Variants in PLEC observed in about 807,000 individuals in gnomAD.
PLEC encodes the protein hemidesmosomal protein 1.
PLEC carries 216 observed loss-of-function variants against 392.8 expected under a neutral mutation model. The ratio of observed to expected loss-of-function variants is 0.55; its 90% confidence interval spans 0.49 to 0.62. PLEC has a LOEUF of 0.62. PLEC is among the 20% of genes least tolerant of loss of function. PLEC has a pLI of 0.00. For synonymous variants in PLEC, 3,621 were observed against 2,980.6 expected (o/e 1.21, Z -7.00); for missense variants, 6,863 against 6,563.4 (o/e 1.05, Z -1.58).
At position 143,929,234 on chromosome 8, in the gene PLEC, G is replaced by A. The variant is rs1826299775; in HGVS notation, c.3129C>T (p.Leu1043=). The part of the protein sequence containing the change: ...VEGLGKGVAR[L]SAEAEKVLAL... ...CCAAGACCTTCTCGGCCTCGGCAGAGAGCCGGGCGACCCCCTTGCCCAGCC... is the reference window on the plus strand; with the variant it reads ...CCAAGACCTTCTCGGCCTCGGCAGAAAGCCGGGCGACCCCCTTGCCCAGCC... The change falls in exon 25 of 32, where the codon CTC becomes CTT. Residue 1043 remains leucine, a synonymous_variant. Coordinates refer to ENST00000345136, the MANE Select transcript of PLEC (RefSeq NM_201384.3). The A allele has an allele frequency of 1.9e-6, 3 of 1,602,318 alleles. No homozygotes were observed. The Admixed American group carries it at 5.0e-5, about 27-fold the overall frequency.
rs1554711068 is a variant in PLEC at position 143,929,488 on chromosome 8, T to C, written c.3007A>G (p.Thr1003Ala). ...RLQLEACETRTVHRLRLPLDK... is the reference protein window; with the variant it reads ...RLQLEACETRAVHRLRLPLDK... ...AGCGGCAGCCGCAGGCGGTGCACGG[T>C]GCGCGTCTCACAGGCCTCCAGCTGC... The change falls in exon 24 of 32, where the codon ACC (threonine) becomes GCC (alanine). Residue 1003 changes from threonine to alanine, a missense_variant. Thr to Ala is a moderately conservative substitution (Grantham distance 58). Transcript: ENST00000345136. 1.9e-6 allele frequency: 3 copies of C among 1,608,048 alleles called. No homozygotes were observed. Among genetic ancestry groups the C allele is most frequent in the Middle Eastern group, 1.8e-4 (1 of 5,638 alleles).
At chr8:143,952,230 A>T (rs1473203239), upstream of PLEC, among the ~76,000 whole-genome samples, 2 of 151,510 alleles carry the variant, frequency 1.3e-5, no homozygotes. Flanking sequence ...ACGCACGCGC[A>T]CGCGCACGCC....
intron 1 of PLEC, among the ~76,000 whole-genome samples, chr8:143,963,051 T>C (rs1832939790): frequency 6.6e-6 from 1 of 152,182 alleles, no homozygotes; most frequent in Non-Finnish European, 1.5e-5. Context: ...AAGCCAGGAA[T>C]AGAGACAAGA....
At chr8:143,938,925 C>T (rs1829806161) in intron 1 of PLEC, among the ~76,000 whole-genome samples, 1 of 152,084 alleles carries the variant, frequency 6.6e-6, no homozygotes, top group Non-Finnish European at 1.5e-5. Context: ...CCACCCCGGA[C>T]TCTTCCCCCG....
In PLEC at chr8:143,922,812, G is replaced by A. The variant is rs937432052; in HGVS notation, c.7117C>T (p.Gln2373Ter). ...TCAGCGCTCATCTCCAGCTGCCGCT[G>A]CCGCTCGGCCTCCAGCGTCCGCTGG... ...GFQRTLEAER[Q>*]RQLEMSAEAE... The change falls in exon 31 of 32, where the codon CAG becomes TAG. Residue 2373 changes from glutamine to a stop codon, truncating the protein, a stop_gained. Coordinates refer to ENST00000345136, the MANE Select transcript of PLEC (RefSeq NM_201384.3). LOFTEE classifies it high-confidence loss of function. 2.5e-6 allele frequency: 4 copies of A among 1,586,544 alleles called. No individual in the cohort carries two copies. The highest frequency in any genetic ancestry group is 3.4e-6 in the Non-Finnish European group (4 of 1,169,430).
At chr8:143,928,148 G>C (rs1199204895) in intron 25 of PLEC, among the ~76,000 whole-genome samples, 156 bp from the exon 26 acceptor site, 3 of 152,274 alleles carry the variant, frequency 2.0e-5, no homozygotes, top group African/African-American at 7.2e-5. Flanking sequence ...TGCTTCAGGA[G>C]AAGAACAGCC....
In PLEC at chr8:143,923,807, T is replaced by G; in HGVS notation, c.6122A>C (p.Glu2041Ala). The G allele has an allele frequency of 6.3e-7, 1 of 1,581,090 alleles. No individual in the cohort carries two copies. Among genetic ancestry groups the G allele is most frequent in the Non-Finnish European group, 8.5e-7 (1 of 1,171,692 alleles). ...CGCCTGCAGCCGCTTCTGGGCGGCC[T>G]CCTGGGCCAGCTGCAGCTGCCGCGC... is the stretch of plus-strand genomic sequence containing the variant. The part of the protein sequence containing the change: ...ESARQLQLAQ[E>A]AAQKRLQAEE... Residue 2041 changes from glutamate (E) to alanine (A), a missense_variant, in exon 31 of 32, where the codon GAG (glutamate) becomes GCG (alanine). By Grantham distance (107) the Glu-to-Ala change is moderately radical. Transcript: ENST00000345136.
Position 143,918,720 on chromosome 8 carries a change from T to G in PLEC, c.11101A>C (p.Arg3701=). 1 of 1,612,944 alleles carries G rather than the reference T, an allele frequency of 6.2e-7. No homozygotes were observed. ...SVAGVYLPGS[R]QTLSIYQALK... is the part of the protein sequence containing the mutation. Reference sequence around the variant, plus strand: ...GCCTGGTAGATGCTCAGTGTCTGCCTGGAACCGGGCAGGTAGACACCAGCC... The same window carrying G: ...GCCTGGTAGATGCTCAGTGTCTGCCGGGAACCGGGCAGGTAGACACCAGCC... The change falls in exon 32 of 32, where the codon AGG becomes CGG. Residue 3701 remains arginine, a synonymous_variant. Coordinates refer to ENST00000345136, the MANE Select transcript of PLEC (RefSeq NM_201384.3).
chr8:143,933,397 G>A (rs782398326), intron 12 of PLEC, 46 bp from the exon 13 acceptor site: 1 of 1,601,760 alleles, frequency 6.2e-7, no homozygotes, highest in Non-Finnish European at 8.5e-7. Context: ...ATCCCCCTCT[G>A]ACCTCACAGG....
At chr8:143,933,408 G>C in intron 12 of PLEC, 57 bp from the exon 13 acceptor site, 1 of 1,599,258 alleles carries the variant, frequency 6.3e-7, no homozygotes, top group Non-Finnish European at 8.5e-7. Flanking sequence ...ACCTCACAGG[G>C]GCCCCGGCCA....
At chr8:143,945,178 C>T (rs527238747) in intron 1 of PLEC, 15 of 467,010 alleles carry the variant, frequency 3.2e-5, no homozygotes, top group Admixed American at 7.6e-5. Context: ...CTGGCCCCAC[C>T]GGTGGCCGGG....
At chr8:143,967,362 C>CAA (rs869137248) in intron 1 of PLEC, among the ~76,000 whole-genome samples, 18 of 46,830 alleles carry the variant, frequency 3.8e-4, no homozygotes, top group East Asian at 1.3e-3. Context: ...GACTCCATCT[C>CAA]AAAAAAAAAA....
chr8:143,963,927 C>T (rs1832974359), intron 1 of PLEC, among the ~76,000 whole-genome samples: 1 of 151,728 alleles, frequency 6.6e-6, no homozygotes, highest in African/African-American at 2.4e-5. Context: ...AGTCTCGTGC[C>T]TCATACACCT....
chr8:143,935,352 G>T, intron 6 of PLEC, 39 bp from the exon 7 acceptor site: 1 of 1,438,290 alleles, frequency 7.0e-7, no homozygotes, highest in South Asian at 1.2e-5. Context: ...GGTGGGACAA[G>T]ACCAGCGGCC....
intron 19 of PLEC, among the ~76,000 whole-genome samples, chr8:143,931,278 CCCTTGGCTG>C (rs1827164190): frequency 1.3e-5 from 2 of 151,002 alleles, no homozygotes; most frequent in South Asian, 4.1e-4. Flanking sequence ...CCTCATTCCC[CCCTTGGCTG>C]ACCTCTACAC....
At chr8:143,932,597 G>A (rs565097469) in intron 15 of PLEC, 36 bp from the exon 16 acceptor site, 2 of 1,612,164 alleles carry the variant, frequency 1.2e-6, no homozygotes, top group East Asian at 2.2e-5. Context: ...CAGGCCGCGG[G>A]CTACCCACCT....
chr8:143,923,439 C>T lies in PLEC; in HGVS notation c.6490G>A (p.Asp2164Asn). Residue 2164 changes from aspartate (D) to asparagine (N), a missense_variant, in exon 31 of 32, where the codon GAC becomes AAC. By Grantham distance (23) the Asp-to-Asn change is conservative. Coordinates refer to ENST00000345136, the MANE Select transcript of PLEC (RefSeq NM_201384.3). ...TTCTTATGCTTCTCCATCTCCGCGT[C>T]AGCTGCCTGCTTCTGCCGCAGGGCC... ...QAALRQKQAA[D>N]AEMEKHKKFA... 1.9e-6 allele frequency: 3 copies of T among 1,609,492 alleles called. No homozygotes were observed. The highest frequency in any genetic ancestry group is 1.7e-5 in the Admixed American group (1 of 59,992).
chr8:143,930,599 C>T lies in PLEC; in HGVS notation c.2305-63G>A, dbSNP rs1826951573. The T allele has an allele frequency of 9.1e-6, 14 of 1,530,608 alleles. No homozygotes were observed. The Middle Eastern group carries it at 5.2e-4, about 57-fold the overall frequency. 94.8% of individuals were successfully genotyped at this position (1,530,608 alleles called of 1,614,324 possible). A position where few individuals can be genotyped will look rare whatever the true frequency, so the allele number is the denominator to read the frequency against. On this transcript the variant is annotated intron_variant, in intron 19 of 31. Coordinates refer to ENST00000345136, the MANE Select transcript of PLEC (RefSeq NM_201384.3). ...AGACCCACAGGCCTGCCCCAGGCAC[C>T]CCCAGACCCCGGGACCAGGCCTGTG...
chr8:143,929,894 C>A, intron 22 of PLEC, 42 bp downstream of exon 22: 11 of 1,604,102 alleles, frequency 6.9e-6, no homozygotes, highest in Non-Finnish European at 8.5e-6. Flanking sequence ...CGCCTCTCCC[C>A]TCCTCCCACC....
Sources: allele counts gnomAD v4.1 joint callset (sites outside exome capture counted in the v4.1 genomes callset), GRCh38; gene constraint gnomAD v4.1.1; transcripts MANE v1.5; gene names NCBI Gene and HGNC (gene_info 2026-07-23, HGNC 2026-07-21).